Variants in SCHIP1 observed in about 807,000 individuals in gnomAD.
SCHIP1 encodes schwannomin-interacting protein 1.
In SCHIP1, 8 loss-of-function variants were observed where a neutral mutation model predicts 29.7. The observed-to-expected ratio is 0.27, with a 90% confidence interval of 0.16 to 0.49. The LOEUF (loss-of-function observed/expected upper bound fraction) is 0.49. Ranked by LOEUF, SCHIP1 falls within the 20% of genes least tolerant of loss-of-function variation. The probability of loss-of-function intolerance (pLI) is 0.99; values close to 1 mark genes in which losing one functional copy is unlikely to be tolerated. For missense variants in SCHIP1, 193 were observed against 294.6 expected (o/e 0.66, Z 2.52); for synonymous variants, 76 against 94.9 (o/e 0.80, Z 1.16).
chr3:159,381,440 G>A, the SCHIP1 span, among the ~76,000 whole-genome samples: 1 of 152,068 alleles, frequency 6.6e-6, no homozygotes, highest in Non-Finnish European at 1.5e-5. Context: ...AAAAAACCTG[G>A]AGTCATCCTC....
chr3:159,671,804 C>T, the SCHIP1 span, among the ~76,000 whole-genome samples: 1 of 152,098 alleles, frequency 6.6e-6, no homozygotes, highest in East Asian at 1.9e-4. Flanking sequence ...ACTTTCAAAA[C>T]CCTTGGCGTT....
chr3:159,409,426 A>G, the SCHIP1 span, among the ~76,000 whole-genome samples: 2 of 152,200 alleles, frequency 1.3e-5, no homozygotes, highest in South Asian at 4.1e-4. Flanking sequence ...TGATCAACAA[A>G]TTTAGTAAAA....
the SCHIP1 span, among the ~76,000 whole-genome samples, chr3:159,284,697 A>T: frequency 2.6e-5 from 4 of 152,122 alleles, no homozygotes; most frequent in South Asian, 8.3e-4. Flanking sequence ...GGGTTTCATC[A>T]TGTTGGCCAG....
the SCHIP1 span, among the ~76,000 whole-genome samples, chr3:159,586,498 T>A: frequency 1.2e-4 from 19 of 152,184 alleles, no homozygotes; most frequent in African/African-American, 4.6e-4. Flanking sequence ...ACCCTATTCT[T>A]TCCTCCTGCT....
the SCHIP1 span, among the ~76,000 whole-genome samples, chr3:159,631,663 G>A: frequency 6.6e-6 from 1 of 152,172 alleles, no homozygotes; most frequent in Non-Finnish European, 1.5e-5. Flanking sequence ...GTTACCAGGG[G>A]CTGGAGGGAA....
chr3:159,591,486 C>A, the SCHIP1 span, among the ~76,000 whole-genome samples: 462 of 152,248 alleles, frequency 3.0e-3, 5 homozygotes, highest in African/African-American at 0.01. Flanking sequence ...TATTGCAGCA[C>A]TATTTACAAT....
the SCHIP1 span, among the ~76,000 whole-genome samples, chr3:159,449,098 C>T: frequency 4.3e-3 from 652 of 152,336 alleles, 5 homozygotes; most frequent in South Asian, 3.5e-3. Flanking sequence ...CTTGCATAAT[C>T]ATGCCCTGAT....
At chr3:159,887,024 G>A (rs770526989) in intron 3 of SCHIP1, 2 of 152,808 alleles carry the variant, frequency 1.3e-5, no homozygotes, top group African/African-American at 2.4e-5. Flanking sequence ...TTCCTGCCAC[G>A]ACACATGGGA....
At chr3:159,566,137 A>G in the SCHIP1 span, among the ~76,000 whole-genome samples, 1 of 152,186 alleles carries the variant, frequency 6.6e-6, no homozygotes, top group African/African-American at 2.4e-5. Flanking sequence ...GAATTTATAC[A>G]AGTCAGAGAC....
chr3:159,786,813 G>A, the SCHIP1 span, among the ~76,000 whole-genome samples: 3 of 152,034 alleles, frequency 2.0e-5, no homozygotes, highest in East Asian at 1.9e-4. Flanking sequence ...GCCACAGCAC[G>A]TAGAATCCTT....
At chr3:159,689,448 T>C in the SCHIP1 span, among the ~76,000 whole-genome samples, 1 of 152,244 alleles carries the variant, frequency 6.6e-6, no homozygotes, top group Non-Finnish European at 1.5e-5. Flanking sequence ...CATTGATTTT[T>C]GTATCCTGAG....
At chr3:159,745,889 T>C in the SCHIP1 span, among the ~76,000 whole-genome samples, 4 of 152,370 alleles carry the variant, frequency 2.6e-5, no homozygotes, top group Middle Eastern at 0.014. Flanking sequence ...GTTTGTCTAA[T>C]TAGTCACAGT....
chr3:159,835,453 T>C (rs1743571441), upstream of SCHIP1, among the ~76,000 whole-genome samples: 1 of 152,232 alleles, frequency 6.6e-6, no homozygotes, highest in African/African-American at 2.4e-5. Flanking sequence ...CAACAACTGA[T>C]ATTTAATAAA....
At chr3:159,507,857 G>C in the SCHIP1 span, among the ~76,000 whole-genome samples, 1 of 152,198 alleles carries the variant, frequency 6.6e-6, no homozygotes, top group African/African-American at 2.4e-5. Context: ...TGTCCTGCTG[G>C]ATTCGGTTTG....
chr3:159,637,374 CACACACA>C, the SCHIP1 span, among the ~76,000 whole-genome samples: 710 of 37,282 alleles, frequency 0.019, 7 homozygotes, highest in African/African-American at 0.16. Context: ...GCCCCAGCCA[CACACACA>C]CACACACACA....
At chr3:159,617,679 A>G in the SCHIP1 span, among the ~76,000 whole-genome samples, 1 of 152,158 alleles carries the variant, frequency 6.6e-6, no homozygotes, top group East Asian at 1.9e-4. Context: ...ATTATTCTTT[A>G]GGCTCACTCA....
the SCHIP1 span, among the ~76,000 whole-genome samples, chr3:159,689,767 G>T: frequency 2.6e-5 from 4 of 152,114 alleles, no homozygotes; most frequent in Non-Finnish European, 5.9e-5. Context: ...TTTGAGCTAT[G>T]TTCCATCAAT....
chr3:159,487,703 G>C, the SCHIP1 span, among the ~76,000 whole-genome samples: 1 of 152,136 alleles, frequency 6.6e-6, no homozygotes, highest in Non-Finnish European at 1.5e-5. Context: ...CTGTGTGATA[G>C]AAGCCCACCT....
chr3:159,609,596 C>T, the SCHIP1 span, among the ~76,000 whole-genome samples: 1 of 152,066 alleles, frequency 6.6e-6, no homozygotes, highest in East Asian at 1.9e-4. Context: ...ATAAGTGCCA[C>T]TTTCAGAATG....
Sources: allele counts gnomAD v4.1 joint callset (sites outside exome capture counted in the v4.1 genomes callset), GRCh38; gene constraint gnomAD v4.1.1; transcripts MANE v1.5; gene names NCBI Gene and HGNC (gene_info 2026-07-23, HGNC 2026-07-21).